Variants in ITPKB observed in about 807,000 individuals in gnomAD.
ITPKB encodes the protein IP3 3-kinase B.
In ITPKB, 13 loss-of-function variants were observed where a neutral mutation model predicts 69.4. That is an observed-to-expected ratio of 0.19 (90% CI 0.12 to 0.30). ITPKB has a LOEUF of 0.30. Among genes scored for constraint, ITPKB ranks in the 10% least tolerant of loss-of-function variants. The probability of loss-of-function intolerance (pLI) is 1.00; values close to 1 mark genes in which losing one functional copy is unlikely to be tolerated. For missense variants in ITPKB, 1,240 were observed against 1,250.5 expected (o/e 0.99, Z 0.13); for synonymous variants, 584 against 513.7 (o/e 1.14, Z -1.85).
intron 2 of ITPKB, among the ~76,000 whole-genome samples, chr1:226,695,131 G>T (rs1429199963): frequency 6.6e-6 from 1 of 152,198 alleles, no homozygotes; most frequent in Non-Finnish European, 1.5e-5. Flanking sequence ...TCAGAAGGCT[G>T]AGGCAAGAGA....
chr1:226,713,757 T>C (rs1657030747), intron 2 of ITPKB, among the ~76,000 whole-genome samples: 1 of 152,156 alleles, frequency 6.6e-6, no homozygotes, highest in Admixed American at 6.5e-5. Flanking sequence ...TTCTTTTTAC[T>C]ACAGTGACAG....
intron 2 of ITPKB, among the ~76,000 whole-genome samples, chr1:226,720,799 C>T (rs976247986): frequency 2.0e-5 from 3 of 151,948 alleles, no homozygotes; most frequent in African/African-American, 7.3e-5. Context: ...TGCCTATAAT[C>T]CCAGCACTTT....
At chr1:226,636,215 A>G (rs1668834449) in intron 7 of ITPKB, among the ~76,000 whole-genome samples, 1 of 152,222 alleles carries the variant, frequency 6.6e-6, no homozygotes. Flanking sequence ...CCCATCGTCC[A>G]GAGAGGCAGC....
At chr1:226,650,471 G>T (rs886762187) in intron 2 of ITPKB, among the ~76,000 whole-genome samples, 2 of 152,212 alleles carry the variant, frequency 1.3e-5, no homozygotes, top group African/African-American at 4.8e-5. Context: ...TAGAGCCAGC[G>T]GAGGCATTTC....
At chr1:226,669,495 C>G (rs189891132) in intron 2 of ITPKB, among the ~76,000 whole-genome samples, 1 of 152,110 alleles carries the variant, frequency 6.6e-6, no homozygotes, top group Non-Finnish European at 1.5e-5. Flanking sequence ...GAAGGTGAGT[C>G]TTCTGGAATA....
At chr1:226,700,657 C>T (rs1656616006) in intron 2 of ITPKB, among the ~76,000 whole-genome samples, 1 of 152,004 alleles carries the variant, frequency 6.6e-6, no homozygotes, top group Admixed American at 6.6e-5. Context: ...AAATAGCTTG[C>T]CTAGAATGAT....
At chr1:226,703,766 A>T (rs934173881) in intron 2 of ITPKB, among the ~76,000 whole-genome samples, 1 of 152,200 alleles carries the variant, frequency 6.6e-6, no homozygotes, top group Non-Finnish European at 1.5e-5. Context: ...TTACGAAAAG[A>T]ATCTCAGCGC....
At chr1:226,673,722 C>T (rs1034835591) in intron 2 of ITPKB, among the ~76,000 whole-genome samples, 12 of 152,106 alleles carry the variant, frequency 7.9e-5, no homozygotes, top group Middle Eastern at 3.2e-3. Flanking sequence ...TAGATATATG[C>T]TATATATTTA....
chr1:226,667,826 A>ATGTGTGTGTGTGTG (rs3841844), intron 2 of ITPKB, among the ~76,000 whole-genome samples: 3,283 of 148,238 alleles, frequency 0.022, 49 homozygotes, highest in Admixed American at 0.032. Context: ...GATGAGGAAA[A>ATGTGTGTGTGTGTG]TGTGTGTGTG....
At chr1:226,695,659 C>G (rs866266213) in intron 2 of ITPKB, among the ~76,000 whole-genome samples, 33 of 152,254 alleles carry the variant, frequency 2.2e-4, no homozygotes, top group African/African-American at 7.0e-4. Flanking sequence ...GGGCCTCCCC[C>G]TCCCCTACAG....
chr1:226,668,800 G>C (rs1391132033), intron 2 of ITPKB: 1 of 152,250 alleles, frequency 6.6e-6, no homozygotes, highest in African/African-American at 2.4e-5. Context: ...TATTGATCAT[G>C]ATGAATAGGG....
At chr1:226,636,403 C>A (rs1455455235) in intron 7 of ITPKB, among the ~76,000 whole-genome samples, 1 of 152,250 alleles carries the variant, frequency 6.6e-6, no homozygotes, top group Non-Finnish European at 1.5e-5. Flanking sequence ...GTGCCACCCC[C>A]TCCTCGCAGC....
At chr1:226,716,424 T>C (rs1182337944) in intron 2 of ITPKB, among the ~76,000 whole-genome samples, 2 of 152,226 alleles carry the variant, frequency 1.3e-5, no homozygotes, top group Non-Finnish European at 1.5e-5. Flanking sequence ...TTTTATTTTA[T>C]TTGAAGTTCT....
At position 226,737,414 on chromosome 1, in the gene ITPKB, A is replaced by C; in HGVS notation, c.45T>G (p.Asn15Lys). 1 of 1,611,312 alleles carries C rather than the reference A, an allele frequency of 6.2e-7. No homozygotes were observed. The highest frequency in any genetic ancestry group is 8.5e-7 in the Non-Finnish European group (1 of 1,179,586). ...CYALNSLVIM[N>K]SANEMKSGGG... ...CGCCGCTCTTCATCTCGTTGGCGCT[A>C]TTCATGATCACCAGGCTATTGAGCG... The change falls in exon 2 of 8, where the codon AAT becomes AAG. Residue 15 changes from asparagine (N) to lysine (K), a missense_variant. By Grantham distance (94) the Asn-to-Lys change is moderately conservative. This residue lies in a region of ITPKB where 992 missense variants were observed against 853.8 expected (regional missense o/e 1.16). Coordinates refer to ENST00000429204, the MANE Select transcript of ITPKB (RefSeq NM_002221.4).
intron 2 of ITPKB, among the ~76,000 whole-genome samples, chr1:226,680,122 A>C (rs1656040964): frequency 6.6e-6 from 1 of 152,246 alleles, no homozygotes; most frequent in African/African-American, 2.4e-5. Flanking sequence ...AGATGGCCTC[A>C]AACTAAGCTT....
chr1:226,638,195 C>T (rs1160389476), intron 6 of ITPKB, among the ~76,000 whole-genome samples: 2 of 152,204 alleles, frequency 1.3e-5, no homozygotes, highest in Non-Finnish European at 2.9e-5. Context: ...GTCTTCAGCA[C>T]CAGGAACAAA....
At chr1:226,712,329 C>T (rs567370093) in intron 2 of ITPKB, among the ~76,000 whole-genome samples, 1 of 152,170 alleles carries the variant, frequency 6.6e-6, no homozygotes, top group African/African-American at 2.4e-5. Flanking sequence ...GGCTCCCCAG[C>T]CTTCGTGGTC....
intron 2 of ITPKB, among the ~76,000 whole-genome samples, chr1:226,703,491 C>A (rs1486805034): frequency 1.3e-5 from 2 of 152,200 alleles, no homozygotes; most frequent in East Asian, 1.9e-4. Context: ...CTTCCCCTGT[C>A]GCTGCCCGGC....
At chr1:226,709,420 G>A (rs1322601786) in intron 2 of ITPKB, among the ~76,000 whole-genome samples, 1 of 152,152 alleles carries the variant, frequency 6.6e-6, no homozygotes, top group African/African-American at 2.4e-5. Context: ...GGTCTCCGAT[G>A]GGTCTAGGAA....
Sources: gnomAD v4.1 joint callset for allele counts (sites outside exome capture counted in the v4.1 genomes callset) on GRCh38, gnomAD v4.1.1 for gene constraint, gnomAD v4.1.1 regional missense constraint, MANE v1.5 for transcripts, NCBI Gene and HGNC (gene_info 2026-07-23, HGNC 2026-07-21) for gene names.